UST: variants seen among roughly 807,000 people sequenced by gnomAD.
The protein encoded by UST is chondroitin sulfate 2-O-sulfotransferase.
UST carries 21 observed loss-of-function variants against 45.6 expected under a neutral mutation model. That is an observed-to-expected ratio of 0.46 (90% CI 0.33 to 0.66). The LOEUF is 0.66. Ranked by LOEUF, UST falls within the 30% of genes least tolerant of loss-of-function variation. UST has a pLI of 0.02. For missense variants in UST, 463 were observed against 512.4 expected, an observed-to-expected ratio of 0.90 and a Z score of 0.93; for synonymous variants, 215 against 200.6, an observed-to-expected ratio of 1.07 and a Z score of -0.61.
chr6:148,840,697 A>G (rs1289146503), intron 1 of UST, among the ~76,000 whole-genome samples: 1 of 152,222 alleles, frequency 6.6e-6, no homozygotes, highest in Non-Finnish European at 1.5e-5. Context: ...ACCTTTGGAT[A>G]TGGAAGGCTG....
chr6:148,895,942 A>G (rs1482394), intron 2 of UST, among the ~76,000 whole-genome samples: 108,687 of 152,230 alleles, frequency 0.71, 42,665 homozygotes, highest in Non-Finnish European at 0.89. Context: ...CTTTAGATTT[A>G]GAGACACATT....
chr6:149,065,018 T>C (rs948151534), intron 7 of UST, among the ~76,000 whole-genome samples: 13 of 152,174 alleles, frequency 8.5e-5, no homozygotes, highest in African/African-American at 3.1e-4. Context: ...TTAAAATGTT[T>C]ATCAGTGGGC....
intron 1 of UST, among the ~76,000 whole-genome samples, chr6:148,789,453 T>TCTCACACA (rs1199697244): frequency 3.7e-5 from 5 of 134,340 alleles, no homozygotes; most frequent in African/African-American, 1.5e-4. Flanking sequence ...TCTCTCTCTC[T>TCTCACACA]CACACACACA....
chr6:148,929,973 G>T (rs1249183421), intron 2 of UST, among the ~76,000 whole-genome samples: 2 of 152,124 alleles, frequency 1.3e-5, no homozygotes, highest in Non-Finnish European at 1.5e-5. Context: ...TGGGAGGGAG[G>T]CTAGAAAGTT....
chr6:148,941,848 A>T (rs1405625625), intron 3 of UST, among the ~76,000 whole-genome samples: 1 of 152,068 alleles, frequency 6.6e-6, no homozygotes, highest in Non-Finnish European at 1.5e-5. Context: ...GTATTGGTTG[A>T]TGGGGGACAT....
intron 2 of UST, among the ~76,000 whole-genome samples, chr6:148,939,083 A>C (rs1013847441): frequency 6.6e-6 from 1 of 152,164 alleles, no homozygotes; most frequent in Admixed American, 6.5e-5. Flanking sequence ...CAATCAGTCC[A>C]AAATGAAACT....
At chr6:148,957,221 C>T (rs1312830753) in intron 4 of UST, among the ~76,000 whole-genome samples, 1 of 152,190 alleles carries the variant, frequency 6.6e-6, no homozygotes, top group Non-Finnish European at 1.5e-5. Context: ...ACCCACATAC[C>T]AGGGCCTGGG....
chr6:148,980,974 C>T (rs1465353557), intron 5 of UST, among the ~76,000 whole-genome samples: 2 of 152,112 alleles, frequency 1.3e-5, no homozygotes. Context: ...ATCCTCCCAC[C>T]TAGGCCTCCC....
intron 2 of UST, among the ~76,000 whole-genome samples, chr6:148,941,069 A>C (rs1306575376): frequency 6.6e-6 from 1 of 152,240 alleles, no homozygotes; most frequent in African/African-American, 2.4e-5. Flanking sequence ...CAGAGAGTTA[A>C]GAAGACCAAC....
intron 1 of UST, among the ~76,000 whole-genome samples, chr6:148,803,042 C>T (rs1045073391): frequency 3.9e-5 from 6 of 151,984 alleles, no homozygotes; most frequent in African/African-American, 7.3e-5. Context: ...TTTTTATTAT[C>T]GTTAGAGAGT....
chr6:148,776,754 C>G (rs1261986146), intron 1 of UST, among the ~76,000 whole-genome samples: 1 of 152,140 alleles, frequency 6.6e-6, no homozygotes, highest in Non-Finnish European at 1.5e-5. Flanking sequence ...TGGTTTTCTT[C>G]TCCAGTGGAA....
At chr6:148,810,151 ACT>A (rs1201632550) in intron 1 of UST, among the ~76,000 whole-genome samples, 5 of 152,160 alleles carry the variant, frequency 3.3e-5, no homozygotes, top group Admixed American at 3.3e-4. Context: ...AAACTTTGGG[ACT>A]CTGACCACAG....
intron 2 of UST, among the ~76,000 whole-genome samples, chr6:148,907,850 A>T (rs182921492): frequency 6.8e-6 from 1 of 147,464 alleles, no homozygotes; most frequent in South Asian, 2.1e-4. Flanking sequence ...ATTTTTATAG[A>T]TATTATTTTA....
intron 4 of UST, among the ~76,000 whole-genome samples, chr6:148,960,652 A>G (rs1032775079): frequency 2.6e-5 from 4 of 152,214 alleles, no homozygotes; most frequent in African/African-American, 9.6e-5. Flanking sequence ...ACTTCACAAC[A>G]ATGTGAATGT....
At chr6:148,931,704 G>A (rs1214703353) in intron 2 of UST, among the ~76,000 whole-genome samples, 1 of 152,158 alleles carries the variant, frequency 6.6e-6, no homozygotes. Flanking sequence ...TAATGTTTTT[G>A]AGCACAACAA....
Position 148,778,974 on chromosome 6 carries a change from T to C in UST, c.247+31297T>C, listed in dbSNP as rs1582806101. Among the ~76,000 whole-genome samples the C allele has an allele frequency of 2.0e-5, 3 of 152,268 alleles. No individual in the cohort carries two copies. In the South Asian group the frequency reaches 6.2e-4, roughly 32 times the overall value. ...ATGGTGGTCACAGCAGCTCAGCCCA[T>C]TGCCCTCTTCTGCAAGGCCGAGCCC... On this transcript the variant is annotated intron_variant, in intron 1 of 7. Coordinates refer to ENST00000367463, the MANE Select transcript of UST (RefSeq NM_005715.3).
chr6:148,892,059 C>G (rs1034774342), intron 2 of UST, among the ~76,000 whole-genome samples: 1 of 152,180 alleles, frequency 6.6e-6, no homozygotes, highest in Non-Finnish European at 1.5e-5. Flanking sequence ...TCCTCTTGAA[C>G]GACTGACTGT....
intron 7 of UST, among the ~76,000 whole-genome samples, chr6:149,070,536 G>C (rs547326438): frequency 6.6e-6 from 1 of 152,296 alleles, no homozygotes; most frequent in African/African-American, 2.4e-5. Flanking sequence ...CCTGGCAAAG[G>C]ACTTTCAAAA....
At chr6:149,010,895 C>CAAAAAAAAAAAAAAAAAAA (rs1172538648) in intron 5 of UST, among the ~76,000 whole-genome samples, 10 of 65,614 alleles carry the variant, frequency 1.5e-4, no homozygotes, top group African/African-American at 6.6e-4. Flanking sequence ...CCGTCTCAAC[C>CAAAAAAAAAAAAAAAAAAA]AAAAAAAAAA....
Sources: gnomAD v4.1 joint callset for allele counts (sites outside exome capture counted in the v4.1 genomes callset) on GRCh38, gnomAD v4.1.1 for gene constraint, MANE v1.5 for transcripts, NCBI Gene and HGNC (gene_info 2026-07-23, HGNC 2026-07-21) for gene names.